The following IQANK1 variants were observed in gnomAD, a reference collection of about 807,000 sequenced individuals.
IQANK1 encodes the protein IQ motif and ankyrin repeat domain-containing protein 1.
In IQANK1, 30 loss-of-function variants were observed where a neutral mutation model predicts 22.6. The ratio of observed to expected loss-of-function variants is 1.33; its 90% CI spans 0.99 to 1.80. IQANK1 has a LOEUF of 1.80. IQANK1 is among the 40% of genes most tolerant of loss of function. IQANK1 has a pLI of 0.00. For missense variants in IQANK1, 275 were observed against 235.2 expected (o/e 1.17, Z -1.11); for synonymous variants, 122 against 99.6 (o/e 1.23, Z -1.34).
rs1244357041 is a variant in IQANK1 at position 143,790,248 on chromosome 8, GC to G, written c.1402del (p.Leu468TrpfsTer?). Reference protein sequence around the residue: ...PEPLRPETMWLALLGALRYGK... With the variant: ...PEPLRPETMWXALLGALRYGK... ...AGCCCCTGAGGCCGGAGACGATGTGGCTGGCTCTGCTGGGGGCTCTGCGGTG... is the reference window on the plus strand; with the variant it reads ...AGCCCCTGAGGCCGGAGACGATGTGGTGGCTCTGCTGGGGGCTCTGCGGTG... On this transcript the variant is annotated frameshift_variant, in exon 13 of 14. Coordinates refer to ENST00000527139, the MANE Select transcript of IQANK1 (RefSeq NM_001381874.1). LOFTEE classifies it low-confidence loss of function (END_TRUNC). 17 of 1,232,108 alleles carry G rather than the reference GC, an allele frequency of 1.4e-5. No individual in the cohort carries two copies. The African/African-American group carries it at 2.2e-4, about 16-fold the overall frequency. The allele number at this position is 1,232,108 out of a possible 1,614,324, so 76.3% of individuals were successfully genotyped here. A position where few individuals can be genotyped will look rare whatever the true frequency, so the allele number is the denominator to read the frequency against.
Position 143,739,963 on chromosome 8 carries a change from G to T in IQANK1, c.175+15G>T. The T allele has an allele frequency of 2.9e-6, 2 of 683,858 alleles. No homozygotes were observed. The highest frequency in any genetic ancestry group is 5.3e-6 in the Non-Finnish European group (2 of 374,236). 42.4% of individuals were successfully genotyped at this position (683,858 alleles called of 1,614,324 possible). On this transcript the variant is annotated intron_variant, in intron 3 of 13. Coordinates refer to ENST00000527139, the MANE Select transcript of IQANK1 (RefSeq NM_001381874.1). Reference sequence around the variant, plus strand: ...GGCCCCCACAGGTGAGAGCCCGCACGTCCCGCGCCGCTGTGGGTGACCGGG... The same window carrying T: ...GGCCCCCACAGGTGAGAGCCCGCACTTCCCGCGCCGCTGTGGGTGACCGGG...
intron 7 of IQANK1, among the ~76,000 whole-genome samples, chr8:143,777,801 A>G (rs2129928368): frequency 6.6e-6 from 1 of 152,256 alleles, no homozygotes; most frequent in South Asian, 2.1e-4. Flanking sequence ...AAAGGAAAAG[A>G]ACCACTGGGA....
In IQANK1 at chr8:143,788,895, C is replaced by T. The variant is rs782513675; in HGVS notation, c.790-20C>T. The T allele has an allele frequency of 2.5e-6, 1 of 399,064 alleles. No individual in the cohort carries two copies. The allele number at this position is 399,064 out of a possible 1,614,324, so 24.7% of individuals were successfully genotyped here. On this transcript the variant is annotated intron_variant, in intron 7 of 13. Transcript: ENST00000527139. ...CTCGGAACACGCACTGAGGGCCCGACAAATGTCGTCTGTCACTAGGTGGCC... is the reference window on the plus strand; with the variant it reads ...CTCGGAACACGCACTGAGGGCCCGATAAATGTCGTCTGTCACTAGGTGGCC...
intron 3 of IQANK1, among the ~76,000 whole-genome samples, chr8:143,741,406 G>A (rs1554626471): frequency 6.6e-6 from 1 of 152,110 alleles, no homozygotes; most frequent in Non-Finnish European, 1.5e-5. Context: ...TGGAGAAGGT[G>A]ACACCAAGAC....
intron 3 of IQANK1, among the ~76,000 whole-genome samples, chr8:143,749,126 C>T (rs191508354): frequency 8.3e-6 from 1 of 119,908 alleles, no homozygotes; most frequent in African/African-American, 3.4e-5. Context: ...GTATATATAG[C>T]ATATATGATA....
chr8:143,774,766 G>A lies in IQANK1; in HGVS notation c.789+2284G>A, dbSNP rs1819652318. ...AAACGACTCAGATGTCCTCCAGCAG[G>A]CGAGTGGCTCCACTAGCTTGGTGCA... On this transcript the variant is annotated intron_variant, in intron 7 of 13. Coordinates refer to ENST00000527139, the MANE Select transcript of IQANK1 (RefSeq NM_001381874.1). The surrounding 1 kb of genome is among the most constrained non-coding windows in gnomAD (Gnocchi z 4.2). Among the ~76,000 whole-genome samples the A allele has an allele frequency of 6.6e-6, 1 of 152,224 alleles. No homozygotes were observed. Among genetic ancestry groups the A allele is most frequent in the Non-Finnish European group, 1.5e-5 (1 of 68,046 alleles).
chr8:143,781,669 C>T (rs1310418288), intron 7 of IQANK1, among the ~76,000 whole-genome samples: 1 of 152,054 alleles, frequency 6.6e-6, no homozygotes, highest in Non-Finnish European at 1.5e-5. Context: ...CTATTCTGTT[C>T]CATTGGTCTA....
chr8:143,748,403 C>A (rs1196596784), intron 3 of IQANK1, among the ~76,000 whole-genome samples: 2 of 147,236 alleles, frequency 1.4e-5, no homozygotes, highest in Non-Finnish European at 3.0e-5. Flanking sequence ...TCCCTTCAGT[C>A]CATTGTGTTG....
rs990822202 is a variant in IQANK1, at chr8:143,790,183, C to T, written c.1336C>T (p.Arg446Cys). The change falls in exon 13 of 14, where the codon CGC (arginine) becomes TGC (cysteine). Residue 446 changes from arginine to cysteine, a missense_variant. Physicochemically the swap from Arg to Cys is radical, Grantham distance 180. Transcript: ENST00000527139. Reference sequence around the variant, plus strand: ...TTTGGGCCAGGCGGCCACCTTCCTGCGCTACCAGGATACCAACTATGTGGA... The same window carrying T: ...TTTGGGCCAGGCGGCCACCTTCCTGTGCTACCAGGATACCAACTATGTGGA... ...DPLGQAATFLRYQDTNYVDTV... is the reference protein window; with the variant it reads ...DPLGQAATFLCYQDTNYVDTV... 121 of 1,232,084 alleles carry T rather than the reference C, an allele frequency of 9.8e-5. No individual in the cohort carries two copies. In the African/African-American group the frequency reaches 1.6e-3, roughly 16 times the overall value. 76.3% of individuals were successfully genotyped at this position (1,232,084 alleles called of 1,614,324 possible). A position where few individuals can be genotyped will look rare whatever the true frequency, so the allele number is the denominator to read the frequency against.
intron 7 of IQANK1, among the ~76,000 whole-genome samples, chr8:143,781,413 TG>T (rs1819796498): frequency 6.6e-6 from 1 of 152,232 alleles, no homozygotes; most frequent in Non-Finnish European, 1.5e-5. Context: ...ATGTCCAGGA[TG>T]GTATTGCCTA....
At chr8:143,749,583 T>TA (rs55947728) in intron 3 of IQANK1, among the ~76,000 whole-genome samples, 146 of 86,470 alleles carry the variant, frequency 1.7e-3, no homozygotes, top group Middle Eastern at 5.1e-3. Context: ...TATATATATA[T>TA]TTTATTTATT....
At chr8:143,788,378 C>A (rs1819934444) in intron 7 of IQANK1, among the ~76,000 whole-genome samples, 1 of 152,228 alleles carries the variant, frequency 6.6e-6, no homozygotes, top group Non-Finnish European at 1.5e-5. Flanking sequence ...CGCAGCTGGG[C>A]TTTGAGCCCG....
chr8:143,748,656 A>G (rs1450180912), intron 3 of IQANK1, among the ~76,000 whole-genome samples: 1 of 111,136 alleles, frequency 9.0e-6, no homozygotes, highest in Non-Finnish European at 1.6e-5. Flanking sequence ...AATATATATC[A>G]ATCATATATA....
intron 7 of IQANK1, among the ~76,000 whole-genome samples, chr8:143,776,425 A>G (rs59253289): frequency 0.24 from 35,924 of 152,034 alleles, 4,601 homozygotes; most frequent in East Asian, 0.51. Context: ...CCAAGACAGA[A>G]TATAGGAAAC....
At chr8:143,763,384 G>A (rs1158394166) in intron 3 of IQANK1, among the ~76,000 whole-genome samples, 2 of 152,220 alleles carry the variant, frequency 1.3e-5, no homozygotes, top group Non-Finnish European at 2.9e-5. Context: ...TATTGTGTGT[G>A]AGACCCTGCT....
intron 3 of IQANK1, chr8:143,746,185 C>T (rs1819030043): frequency 6.6e-6 from 1 of 152,176 alleles, no homozygotes; most frequent in African/African-American, 2.4e-5. Flanking sequence ...GTCTAGAACT[C>T]CCAGCACTAT....
In IQANK1 at chr8:143,756,014, T is replaced by C. The variant is rs185649517; in HGVS notation, c.176-15474T>C. Reference sequence around the variant, plus strand: ...AAGCATGACTGCCATCCACAGTGCATGGTTTCAACCTCCTGATGATCCCTC... The same window carrying C: ...AAGCATGACTGCCATCCACAGTGCACGGTTTCAACCTCCTGATGATCCCTC... On this transcript the variant is annotated intron_variant, in intron 3 of 13. Transcript: ENST00000527139. 3.8e-3 allele frequency among the ~76,000 whole-genome samples: 581 copies of C among 152,344 alleles called. 7 individuals are homozygous for C. Among genetic ancestry groups the C allele is most frequent in the African/African-American group, 0.012 (497 of 41,584 alleles).
At chr8:143,740,753 C>T (rs1439854114) in intron 3 of IQANK1, among the ~76,000 whole-genome samples, 1 of 152,242 alleles carries the variant, frequency 6.6e-6, no homozygotes, top group Admixed American at 6.5e-5. Flanking sequence ...GGCCCGGCAC[C>T]GCCCATCGCC....
At chr8:143,749,820 C>T (rs183051710) in intron 3 of IQANK1, among the ~76,000 whole-genome samples, 1 of 150,744 alleles carries the variant, frequency 6.6e-6, no homozygotes, top group African/African-American at 2.4e-5. Flanking sequence ...ACCTGAGCCT[C>T]TCAAAATGCT....
Sources: allele counts gnomAD v4.1 joint callset (sites outside exome capture counted in the v4.1 genomes callset), GRCh38; gene constraint gnomAD v4.1.1; non-coding constraint Gnocchi (gnomAD v3.1); transcripts MANE v1.5; gene names NCBI Gene and HGNC (gene_info 2026-07-23, HGNC 2026-07-21).